The following KIRREL3 variants were observed in gnomAD, a reference collection of about 807,000 sequenced individuals.
KIRREL3 encodes kirre like nephrin family adhesion molecule 3.
KIRREL3 carries 36 observed loss-of-function variants against 89.7 expected under a neutral mutation model. The ratio of observed to expected loss-of-function variants is 0.40; its 90% confidence interval spans 0.31 to 0.53. KIRREL3 has a LOEUF of 0.53. Ranked by LOEUF, KIRREL3 falls within the 20% of genes least tolerant of loss-of-function variation. The pLI is 0.49. For synonymous variants in KIRREL3, 445 were observed against 441.4 expected (o/e 1.01, Z -0.10); for missense variants, 864 against 1,056.6 (o/e 0.82, Z 2.53).
intron 1 of KIRREL3, among the ~76,000 whole-genome samples, chr11:126,598,659 A>G (rs1942507692): frequency 6.6e-6 from 1 of 152,214 alleles, no homozygotes; most frequent in Non-Finnish European, 1.5e-5. Flanking sequence ...AGAGAAAAGC[A>G]AACCCCTAAT....
intron 1 of KIRREL3, among the ~76,000 whole-genome samples, chr11:126,810,282 G>C (rs917147619): frequency 6.6e-6 from 1 of 152,180 alleles, no homozygotes; most frequent in Admixed American, 6.5e-5. Context: ...CAGCAAGCCA[G>C]GATCCCAGGA....
rs1374837468 is a variant in KIRREL3 at position 126,513,874 on chromosome 11, G to T, written c.433+7441C>A. 1.3e-5 allele frequency among the ~76,000 whole-genome samples: 2 copies of T among 152,176 alleles called. No individual in the cohort carries two copies. The highest frequency in any genetic ancestry group is 6.5e-5 in the Admixed American group (1 of 15,280). On this transcript the variant is annotated intron_variant, in intron 4 of 16. Coordinates refer to ENST00000525144, the MANE Select transcript of KIRREL3 (RefSeq NM_032531.4). The surrounding 1 kb of genome is among the most constrained non-coding windows in gnomAD (Gnocchi z 5.9). ...GGCATTATGGCATTGAACCCACAGG[G>T]TGGACCTCAGGGAGCTATAATATAA...
chr11:126,873,948 T>C lies in KIRREL3; in HGVS notation c.55+126507A>G, dbSNP rs555645123. ...CACTTCTAACTCTCCTGCTAAAAAC[T>C]TTTTTTTCCAAGAATTCTATCTCCC... On this transcript the variant is annotated intron_variant, in intron 1 of 16. Coordinates refer to ENST00000525144, the MANE Select transcript of KIRREL3 (RefSeq NM_032531.4). Among the ~76,000 whole-genome samples, 17 of 152,188 alleles carry C rather than the reference T, an allele frequency of 1.1e-4. No homozygotes were observed. In the South Asian group the frequency reaches 2.9e-3, roughly 26 times the overall value.
intron 2 of KIRREL3, among the ~76,000 whole-genome samples, chr11:126,539,001 C>A: frequency 6.6e-6 from 1 of 152,156 alleles, no homozygotes; most frequent in East Asian, 1.9e-4. Flanking sequence ...GAACAGCTTA[C>A]GTCAAGTGTG....
chr11:126,848,922 C>A (rs1208465376), intron 1 of KIRREL3, among the ~76,000 whole-genome samples: 1 of 152,164 alleles, frequency 6.6e-6, no homozygotes. Context: ...GATCTTCGTT[C>A]CTCTACAACC....
rs1026360115 is a variant in KIRREL3, at chr11:126,905,103, A to T, written c.55+95352T>A. Among the ~76,000 whole-genome samples the T allele has an allele frequency of 2.2e-4, 34 of 152,362 alleles. No individual in the cohort carries two copies. Among genetic ancestry groups the T allele is most frequent in the African/African-American group, 7.9e-4 (33 of 41,596 alleles). On this transcript the variant is annotated intron_variant, in intron 1 of 16. Transcript: ENST00000525144. This position sits in a 1 kb window ranked among gnomAD's most constrained non-coding sequence, Gnocchi z 5.0. The stretch of plus-strand genomic sequence containing the variant: ...CATGATGGTTGGTGTCTATGAAGAC[A>T]GCTGTGTGTCATCAACAGAAGGTTC...
rs576003993 is a variant in KIRREL3 at position 126,676,862 on chromosome 11, G to A, written c.56-113950C>T. Among the ~76,000 whole-genome samples the A allele has an allele frequency of 1.4e-3, 205 of 151,412 alleles. 6 individuals carry two copies. Among genetic ancestry groups the A allele is most frequent in the African/African-American group, 3.3e-3 (134 of 41,178 alleles). ...TACAGTGGCTCAACCACAGGTCACCGCAGCCTCGATCTCCCAGGCTCAAGC... is the reference window on the plus strand; with the variant it reads ...TACAGTGGCTCAACCACAGGTCACCACAGCCTCGATCTCCCAGGCTCAAGC... On this transcript the variant is annotated intron_variant, in intron 1 of 16. Coordinates refer to ENST00000525144, the MANE Select transcript of KIRREL3 (RefSeq NM_032531.4). The surrounding 1 kb of genome is among the most constrained non-coding windows in gnomAD (Gnocchi z 4.5).
At chr11:126,699,488 G>A (rs934283991) in intron 1 of KIRREL3, among the ~76,000 whole-genome samples, 2 of 152,180 alleles carry the variant, frequency 1.3e-5, no homozygotes, top group African/African-American at 2.4e-5. Context: ...CACACTCAGC[G>A]AGTAAAAAGA....
chr11:126,585,245 TTTG>T (rs1941773541), intron 1 of KIRREL3, among the ~76,000 whole-genome samples: 1 of 125,328 alleles, frequency 8.0e-6, no homozygotes. Context: ...TTTTTTTTTT[TTTG>T]AGATAGAGTC....
At chr11:126,822,619 G>T (rs775653818) in intron 1 of KIRREL3, among the ~76,000 whole-genome samples, 3 of 152,184 alleles carry the variant, frequency 2.0e-5, no homozygotes, top group Non-Finnish European at 4.4e-5. Flanking sequence ...CACTATTATA[G>T]CTCATAATTC....
rs1381963686 is a variant in KIRREL3, at chr11:126,705,456, C to G, written c.56-142544G>C. On this transcript the variant is annotated intron_variant, in intron 1 of 16. Coordinates refer to ENST00000525144, the MANE Select transcript of KIRREL3 (RefSeq NM_032531.4). This position sits in a 1 kb window ranked among gnomAD's most constrained non-coding sequence, Gnocchi z 4.3. ...CTTCCCTCTCTCTTGCACCTTCTCT[C>G]CCCATGTGATGTACCTGCTCCTGCT... Among the ~76,000 whole-genome samples, 1 of 152,136 alleles carries G rather than the reference C, an allele frequency of 6.6e-6. No individual in the cohort carries two copies. Among genetic ancestry groups the G allele is most frequent in the Non-Finnish European group, 1.5e-5 (1 of 68,032 alleles).
chr11:126,721,143 G>C (rs1210800175), intron 1 of KIRREL3, among the ~76,000 whole-genome samples: 1 of 152,202 alleles, frequency 6.6e-6, no homozygotes, highest in Non-Finnish European at 1.5e-5. Flanking sequence ...AGACTAGATT[G>C]ACTTAGTCTC....
intron 11 of KIRREL3, among the ~76,000 whole-genome samples, chr11:126,439,015 C>T (rs902100664): frequency 7.2e-5 from 11 of 152,242 alleles, no homozygotes; most frequent in South Asian, 4.1e-4. Flanking sequence ...AAGTTTTCCC[C>T]GAGTAGTGCT....
intron 8 of KIRREL3, among the ~76,000 whole-genome samples, chr11:126,448,689 G>A (rs1245659775): frequency 6.6e-6 from 1 of 152,096 alleles, no homozygotes; most frequent in East Asian, 1.9e-4. Context: ...CAGCAAGAAG[G>A]CAGCTGCCTG....
intron 1 of KIRREL3, among the ~76,000 whole-genome samples, chr11:126,979,726 A>C (rs1949673428): frequency 6.6e-6 from 1 of 152,214 alleles, no homozygotes; most frequent in South Asian, 2.1e-4. Context: ...TTCTGTGAAA[A>C]CTTAAATGAA....
intron 1 of KIRREL3, among the ~76,000 whole-genome samples, chr11:126,678,305 A>C (rs1946288145): frequency 6.6e-6 from 1 of 151,412 alleles, no homozygotes; most frequent in Admixed American, 6.6e-5. Context: ...GAAGGCCGAG[A>C]TAAGAAGTGA....
At position 126,565,514 on chromosome 11, in the gene KIRREL3, C is replaced by A. The variant is rs1940451124; in HGVS notation, c.56-2602G>T. Among the ~76,000 whole-genome samples, 1 of 152,162 alleles carries A rather than the reference C, an allele frequency of 6.6e-6. No individual in the cohort carries two copies. The highest frequency in any genetic ancestry group is 1.5e-5 in the Non-Finnish European group (1 of 68,032). ...CTTAATTATTTAGGCGGCTACGTTA[C>A]AAGGCGCTAATAAGCACACTGCAGA... On this transcript the variant is annotated intron_variant, in intron 1 of 16. Coordinates refer to ENST00000525144, the MANE Select transcript of KIRREL3 (RefSeq NM_032531.4). The surrounding 1 kb of genome is among the most constrained non-coding windows in gnomAD (Gnocchi z 5.4).
chr11:126,570,939 C>T lies in KIRREL3; in HGVS notation c.56-8027G>A, dbSNP rs761193789. ...AAGGGACATTTAACTTTTCTCATCT[C>T]GTTTCACCCTCACAACACCTTTATG... On this transcript the variant is annotated intron_variant, in intron 1 of 16. Coordinates refer to ENST00000525144, the MANE Select transcript of KIRREL3 (RefSeq NM_032531.4). The surrounding 1 kb of genome is among the most constrained non-coding windows in gnomAD (Gnocchi z 6.1). Among the ~76,000 whole-genome samples the T allele has an allele frequency of 1.2e-4, 19 of 152,176 alleles. No homozygotes were observed. Among genetic ancestry groups the T allele is most frequent in the East Asian group, 3.8e-4 (2 of 5,202 alleles).
rs35431105 is a variant in KIRREL3 at position 126,553,265 on chromosome 11, A to AT, written c.133+9569dup. ...AAATGCATACAATATCTTCTGTTCC[A>AT]TTTTTTTTTAAATGACACTCTGAGC... On this transcript the variant is annotated intron_variant, in intron 2 of 16. Coordinates refer to ENST00000525144, the MANE Select transcript of KIRREL3 (RefSeq NM_032531.4). This position sits in a 1 kb window ranked among gnomAD's most constrained non-coding sequence, Gnocchi z 4.7. Among the ~76,000 whole-genome samples the AT allele has an allele frequency of 0.25, 37,309 of 151,244 alleles. 5,664 individuals are homozygous for AT. Among genetic ancestry groups the AT allele is most frequent in the African/African-American group, 0.42 (17,252 of 41,208 alleles).
Sources: gnomAD v4.1 joint callset for allele counts (sites outside exome capture counted in the v4.1 genomes callset) on GRCh38, gnomAD v4.1.1 for gene constraint, Gnocchi (gnomAD v3.1) non-coding constraint, MANE v1.5 for transcripts, NCBI Gene and HGNC (gene_info 2026-07-23, HGNC 2026-07-21) for gene names.